HIVEP3: variants seen among roughly 807,000 people sequenced by gnomAD.
HIVEP3 encodes the protein HIVEP zinc finger 3, also known as transcription factor HIVEP3.
Under a neutral mutation model 152.8 loss-of-function variants are expected in HIVEP3, and 49 were observed. The ratio of observed to expected loss-of-function variants is 0.32; its 90% CI spans 0.26 to 0.41. The LOEUF is 0.41. Among genes scored for constraint, HIVEP3 ranks in the 10% least tolerant of loss-of-function variants. The probability of loss-of-function intolerance (pLI) is 1.00; values close to 1 mark genes in which losing one functional copy is unlikely to be tolerated. For missense variants in HIVEP3, 2,790 were observed against 3,103.3 expected (o/e 0.90, Z 2.40); for synonymous variants, 1,269 against 1,289.0 (o/e 0.98, Z 0.33).
chr1:41,732,812 C>T (rs1646861502), intron 1 of HIVEP3, among the ~76,000 whole-genome samples: 1 of 152,168 alleles, frequency 6.6e-6, no homozygotes, highest in Non-Finnish European at 1.5e-5. Flanking sequence ...TCCAGAGACT[C>T]TCTTCTCCAG....
At chr1:41,738,063 G>A (rs754043534) in intron 1 of HIVEP3, among the ~76,000 whole-genome samples, 4 of 152,224 alleles carry the variant, frequency 2.6e-5, no homozygotes, top group Non-Finnish European at 5.9e-5. Context: ...AGAGCTGGTA[G>A]CACTGAAACT....
chr1:41,881,506 T>C (rs756790417), intron 1 of HIVEP3, among the ~76,000 whole-genome samples: 1 of 152,256 alleles, frequency 6.6e-6, no homozygotes, highest in Non-Finnish European at 1.5e-5. Context: ...TCAAATTTTC[T>C]GGTAAATACA....
intron 1 of HIVEP3, among the ~76,000 whole-genome samples, chr1:41,944,202 C>T (rs1645062531): frequency 6.6e-6 from 1 of 152,152 alleles, no homozygotes; most frequent in Non-Finnish European, 1.5e-5. Flanking sequence ...AAGGATAGTA[C>T]CAGGTTGCAC....
At chr1:41,651,980 T>C (rs924289515) in intron 2 of HIVEP3, among the ~76,000 whole-genome samples, 1 of 152,246 alleles carries the variant, frequency 6.6e-6, no homozygotes, top group Admixed American at 6.5e-5. Flanking sequence ...TAACTAATAG[T>C]TCTTTAAATA....
chr1:41,807,344 G>T (rs188179833), intron 1 of HIVEP3, among the ~76,000 whole-genome samples: 1 of 152,284 alleles, frequency 6.6e-6, no homozygotes, highest in African/African-American at 2.4e-5. Flanking sequence ...CCTTGAGGTA[G>T]ATCCTGGGAC....
At chr1:41,958,812 T>C (rs1024066651) in intron 1 of HIVEP3, among the ~76,000 whole-genome samples, 2 of 152,180 alleles carry the variant, frequency 1.3e-5, no homozygotes, top group African/African-American at 4.8e-5. Flanking sequence ...TACAGACTCA[T>C]GGACAGTCGT....
intron 1 of HIVEP3, among the ~76,000 whole-genome samples, chr1:42,023,286 C>T (rs1162669341): frequency 3.3e-5 from 5 of 152,308 alleles, no homozygotes; most frequent in Middle Eastern, 3.4e-3. Context: ...GGATTACAGG[C>T]ATAAGCCACC....
chr1:42,023,933 C>A (rs1428174384), intron 1 of HIVEP3, among the ~76,000 whole-genome samples: 2 of 152,162 alleles, frequency 1.3e-5, no homozygotes, highest in Non-Finnish European at 2.9e-5. Flanking sequence ...AAAGTTTACC[C>A]TTTATCTGTA....
rs115029374 is a variant in HIVEP3 at position 41,529,753 on chromosome 1, C to T, written c.5208-4843G>A. ...CACGCCACCCTCACAACCATCCACACACACCCCCAGACTCACTTCCACATC... is the reference window on the plus strand; with the variant it reads ...CACGCCACCCTCACAACCATCCACATACACCCCCAGACTCACTTCCACATC... On this transcript the variant is annotated intron_variant, in intron 5 of 8. Transcript: ENST00000372583. Among the ~76,000 whole-genome samples the T allele has an allele frequency of 8.0e-3, 1,200 of 149,396 alleles. 20 individuals are homozygous for T. Among genetic ancestry groups the T allele is most frequent in the African/African-American group, 0.029 (1,144 of 40,108 alleles).
chr1:41,543,863 G>A (rs1341990971), intron 5 of HIVEP3: 1 of 152,110 alleles, frequency 6.6e-6, no homozygotes, highest in Non-Finnish European at 1.5e-5. Context: ...TCGTTGACTG[G>A]GATCAGCACC....
intron 2 of HIVEP3, among the ~76,000 whole-genome samples, chr1:41,700,176 G>C (rs535753984): frequency 6.6e-6 from 1 of 152,034 alleles, no homozygotes; most frequent in African/African-American, 2.4e-5. Context: ...TTTGCACATC[G>C]ATCTCCTCCA....
At chr1:41,817,012 C>T (rs1651312718) in intron 1 of HIVEP3, among the ~76,000 whole-genome samples, 1 of 152,214 alleles carries the variant, frequency 6.6e-6, no homozygotes, top group Non-Finnish European at 1.5e-5. Context: ...ACACTGGATG[C>T]ATCTGGTGGC....
intron 1 of HIVEP3, among the ~76,000 whole-genome samples, chr1:41,740,063 C>T (rs1456831519): frequency 6.6e-6 from 1 of 152,198 alleles, no homozygotes; most frequent in Non-Finnish European, 1.5e-5. Context: ...CCCAAAGTCA[C>T]ACAGCTAAGA....
Position 41,941,065 on chromosome 1 carries a change from T to TCA in HIVEP3, n.120-22543_120-22542dup, listed in dbSNP as rs1327954728. On this transcript the variant is annotated intron_variant and non_coding_transcript_variant, in intron 1 of 3. Transcript: ENST00000489103. The stretch of plus-strand genomic sequence containing the variant: ...TCTATTGGATTTGACATCACTGAGG[T>TCA]CACTGACAACCTTGACAAGAACAGT... Among the ~76,000 whole-genome samples, 8 of 152,254 alleles carry TCA rather than the reference T, an allele frequency of 5.3e-5. No individual in the cohort carries two copies. In the East Asian group the frequency reaches 1.5e-3, roughly 29 times the overall value.
At chr1:41,671,531 C>A (rs1416688700) in intron 2 of HIVEP3, among the ~76,000 whole-genome samples, 1 of 152,252 alleles carries the variant, frequency 6.6e-6, no homozygotes, top group Non-Finnish European at 1.5e-5. Context: ...ATCCTGTGTC[C>A]TCCTAGCTGA....
Position 41,533,316 on chromosome 1 carries a change from T to C in HIVEP3, c.5208-8406A>G, listed in dbSNP as rs1280172092. 6.6e-6 allele frequency among the ~76,000 whole-genome samples: 1 copy of C among 152,068 alleles called. No individual in the cohort carries two copies. The highest frequency in any genetic ancestry group is 1.5e-5 in the Non-Finnish European group (1 of 67,988). ...CGGTGCCAGAGCCCACCCCACCCAC[T>C]GTCCTCTCCCACAGCTTCCCAGCAG... On this transcript the variant is annotated intron_variant, in intron 5 of 8. Transcript: ENST00000372583. The surrounding 1 kb of genome is among the most constrained non-coding windows in gnomAD (Gnocchi z 4.3).
chr1:41,823,178 C>T (rs898609569), intron 1 of HIVEP3, among the ~76,000 whole-genome samples: 1 of 152,198 alleles, frequency 6.6e-6, no homozygotes, highest in Non-Finnish European at 1.5e-5. Flanking sequence ...GAAGAGAGAC[C>T]TCATCAGAAC....
In HIVEP3 at chr1:41,584,618, C is replaced by T. The variant is rs200833408; in HGVS notation, c.180G>A (p.Pro60=). 2.6e-4 allele frequency: 422 copies of T among 1,609,768 alleles called. 1 individual carries two copies. Among genetic ancestry groups the T allele is most frequent in the Admixed American group, 6.4e-4 (38 of 59,724 alleles). The part of the protein sequence containing the change: ...AQELLAPQPF[P]GPSSVLREGS... ...CTTCCCTAAGAACTGATGAGGGGCC[C>T]GGGAAGGGCTGCGGGGCTAAGAGCT... is the stretch of plus-strand genomic sequence containing the variant. Residue 60 remains proline, a synonymous_variant, in exon 4 of 9, where the codon CCG becomes CCA. Coordinates refer to ENST00000372583, the MANE Select transcript of HIVEP3 (RefSeq NM_024503.5). This position sits in a 1 kb window ranked among gnomAD's most constrained non-coding sequence, Gnocchi z 5.2.
At chr1:41,735,379 C>A (rs1160203994) in intron 1 of HIVEP3, among the ~76,000 whole-genome samples, 2 of 152,200 alleles carry the variant, frequency 1.3e-5, no homozygotes, top group Non-Finnish European at 2.9e-5. Context: ...TGAGGATGCA[C>A]TTCTCACATC....
Sources: allele counts gnomAD v4.1 joint callset (sites outside exome capture counted in the v4.1 genomes callset), GRCh38; gene constraint gnomAD v4.1.1; non-coding constraint Gnocchi (gnomAD v3.1); transcripts MANE v1.5; gene names NCBI Gene and HGNC (gene_info 2026-07-23, HGNC 2026-07-21).